The following SH2B2 variants were observed in gnomAD, a reference collection of about 807,000 sequenced individuals.
SH2B2 encodes the protein SH2B adaptor protein 2, also known as SH2B adapter protein 2.
SH2B2 carries 37 observed loss-of-function variants against 35.7 expected under a neutral mutation model. That is an observed-to-expected ratio of 1.04 (90% CI 0.80 to 1.36). The LOEUF (loss-of-function observed/expected upper bound fraction) is 1.36. Among genes scored for constraint, SH2B2 ranks in the 40% most tolerant of loss-of-function variants. The pLI is 0.00. For missense variants in SH2B2, 852 were observed against 817.7 expected (o/e 1.04, Z -0.51); for synonymous variants, 383 against 376.4 (o/e 1.02, Z -0.20).
intron 4 of SH2B2, among the ~76,000 whole-genome samples, chr7:102,310,031 C>T (rs1418500927): frequency 8.6e-5 from 13 of 152,036 alleles, no homozygotes; most frequent in African/African-American, 2.4e-4. Flanking sequence ...AAAATTTGGC[C>T]GGGGCCAGGC....
At chr7:102,306,885 G>A (rs964134974) in intron 3 of SH2B2, 63 bp downstream of exon 3, 1 of 1,292,384 alleles carries the variant, frequency 7.7e-7, no homozygotes, top group African/African-American at 1.5e-5. Context: ...CCCTTTAGGT[G>A]CTACAGCTCC....
chr7:102,299,908 C>T (rs1479387304), intron 1 of SH2B2, among the ~76,000 whole-genome samples: 19 of 152,218 alleles, frequency 1.2e-4, no homozygotes, highest in Admixed American at 1.2e-3. Flanking sequence ...GACACCACCT[C>T]CTGCCTCCCC....
At chr7:102,308,215 T>G (rs1404851946) in intron 3 of SH2B2, among the ~76,000 whole-genome samples, 1 of 152,180 alleles carries the variant, frequency 6.6e-6, no homozygotes, top group Non-Finnish European at 1.5e-5. Flanking sequence ...TGAACCTTGG[T>G]CTTCTCATCT....
In SH2B2 at chr7:102,317,450, G is replaced by T. The variant is rs41275224; in HGVS notation, c.1395+55G>T. 1.6e-5 allele frequency: 23 copies of T among 1,450,946 alleles called. No individual in the cohort carries two copies. In the East Asian group the frequency reaches 5.5e-4, roughly 35 times the overall value. 89.9% of individuals were successfully genotyped at this position (1,450,946 alleles called of 1,614,324 possible). A position where few individuals can be genotyped will look rare whatever the true frequency, so the allele number is the denominator to read the frequency against. ...CAGTGGCCAGCCCTGAGGGAGAGGG[G>T]TCATGGTGACCCCGGTCCTGAGGCT... On this transcript the variant is annotated intron_variant, in intron 7 of 8. Transcript: ENST00000444095.
chr7:102,317,168 A>T lies in SH2B2; in HGVS notation c.1187-19A>T. ...TTCTCCTTCCCCCCATGTTCCTCAC[A>T]CTGTCATCCCCACCTCAGGGGAACA... On this transcript the variant is annotated intron_variant, in intron 6 of 8. Coordinates refer to ENST00000444095, the MANE Select transcript of SH2B2 (RefSeq NM_001359228.2). The T allele has an allele frequency of 6.4e-7, 1 of 1,557,908 alleles. No homozygotes were observed. The highest frequency in any genetic ancestry group is 1.2e-5 in the South Asian group (1 of 85,510).
intron 6 of SH2B2, chr7:102,316,984 T>C: frequency 2.0e-6 from 1 of 501,226 alleles, no homozygotes. Flanking sequence ...ATTGCAGCAT[T>C]GCACTCCAGC....
chr7:102,314,232 T>C, intron 4 of SH2B2, 104 bp from the exon 5 acceptor site: 1 of 398,016 alleles, frequency 2.5e-6, no homozygotes, highest in Non-Finnish European at 4.4e-6. Context: ...GAGGCCTAGA[T>C]GCTGGGCCAT....
At chr7:102,291,550 C>A (rs1792673650) in intron 1 of SH2B2, among the ~76,000 whole-genome samples, 2 of 152,188 alleles carry the variant, frequency 1.3e-5, no homozygotes, top group Admixed American at 6.5e-5. Flanking sequence ...CCCATCCACT[C>A]TGCAGCAAAG....
At chr7:102,310,577 C>T (rs1400728918) in intron 4 of SH2B2, among the ~76,000 whole-genome samples, 2 of 152,266 alleles carry the variant, frequency 1.3e-5, no homozygotes, top group East Asian at 1.9e-4. Flanking sequence ...GATAGGCAGC[C>T]CGACAGGCTG....
At chr7:102,299,290 C>T (rs1379757935) in intron 1 of SH2B2, among the ~76,000 whole-genome samples, 1 of 145,988 alleles carries the variant, frequency 6.8e-6, no homozygotes, top group Non-Finnish European at 1.5e-5. Flanking sequence ...CCTCCGCCTC[C>T]TGGGTTCAAG....
chr7:102,286,756 G>T (rs1222065206), upstream of SH2B2: 5 of 29,872 alleles, frequency 1.7e-4, no homozygotes, highest in East Asian at 6.9e-4. Context: ...CGGCGCAAGT[G>T]GGGGCGGGAG....
Position 102,313,465 on chromosome 7 carries a change from C to A in SH2B2, c.924-871C>A, listed in dbSNP as rs1303550775. On this transcript the variant is annotated intron_variant, in intron 4 of 8. Transcript: ENST00000444095. ...TCCCATCTCAAAACAAACAAACAAA[C>A]AAAAAAGATGGGGGTCTCGCTATGT... Among the ~76,000 whole-genome samples the A allele has an allele frequency of 5.3e-5, 8 of 151,772 alleles. No individual in the cohort carries two copies. The South Asian group carries it at 1.7e-3, about 32-fold the overall frequency.
At position 102,300,846 on chromosome 7, in the gene SH2B2, C is replaced by A. The variant is rs1307314151; in HGVS notation, c.296C>A (p.Pro99Gln). 3 of 1,457,372 alleles carry A rather than the reference C, an allele frequency of 2.1e-6. No homozygotes were observed. In the Admixed American group the frequency reaches 7.9e-5, roughly 38 times the overall value. 90.3% of individuals were successfully genotyped at this position (1,457,372 alleles called of 1,614,324 possible). A position where few individuals can be genotyped will look rare whatever the true frequency, so the allele number is the denominator to read the frequency against. The change falls in exon 2 of 9, where the codon CCG becomes CAG. Residue 99 changes from proline (P) to glutamine (Q), a missense_variant. This residue lies in a region of SH2B2 where 294 missense variants were observed against 286.6 expected (regional missense o/e 1.03). Coordinates refer to ENST00000444095, the MANE Select transcript of SH2B2 (RefSeq NM_001359228.2). ...GAAVSAEAME[P>Q]ELADTSALKA... is the part of the protein sequence containing the mutation. ...GCCGTGAGCGCAGAGGCCATGGAGC[C>A]GGAGCTCGCGGACACCTCTGCACTC...
rs1217886991 is a variant in SH2B2, at chr7:102,300,645, A to G, written c.95A>G (p.Gln32Arg). The G allele has an allele frequency of 1.9e-6, 3 of 1,549,582 alleles. No homozygotes were observed. The highest frequency in any genetic ancestry group is 2.7e-5 in the African/African-American group (2 of 72,976). ...CGGCAGTTCTGCGAGCTGCATGCGC[A>G]GGCGGCCGCCGTGGACTTTGCGCAC... ...DWRQFCELHA[Q>R]AAAVDFAHKF... Residue 32 changes from glutamine to arginine, a missense_variant, in exon 2 of 9, where the codon CAG becomes CGG. Gln to Arg is a conservative substitution (Grantham distance 43). Coordinates refer to ENST00000444095, the MANE Select transcript of SH2B2 (RefSeq NM_001359228.2).
At chr7:102,317,100 C>T in intron 6 of SH2B2, 87 bp from the exon 7 acceptor site, 1 of 1,114,926 alleles carries the variant, frequency 9.0e-7, no homozygotes, top group South Asian at 1.7e-5. Context: ...AAAAAACCAA[C>T]AAGACGTCAC....
Position 102,321,283 on chromosome 7 carries a change from CG to C in SH2B2, c.1568-15del. ...GCCCAGGTCCCCACTCACGCCCTGC[CG>C]TCGCCTTGTTGCAGAGCCGGGCCCC... On this transcript the variant is annotated splice_polypyrimidine_tract_variant and intron_variant, in intron 8 of 8. Coordinates refer to ENST00000444095, the MANE Select transcript of SH2B2 (RefSeq NM_001359228.2). The C allele has an allele frequency of 7.3e-7, 1 of 1,366,876 alleles. No homozygotes were observed. Among genetic ancestry groups the C allele is most frequent in the Non-Finnish European group, 9.4e-7 (1 of 1,066,196 alleles). 84.7% of individuals were successfully genotyped at this position (1,366,876 alleles called of 1,614,324 possible).
In SH2B2 at chr7:102,321,207, C is replaced by T. The variant is rs1794057947; in HGVS notation, c.1568-92C>T. 5.4e-6 allele frequency: 6 copies of T among 1,114,126 alleles called. No homozygotes were observed. In the Admixed American group the frequency reaches 1.8e-4, roughly 33 times the overall value. 69.0% of individuals were successfully genotyped at this position (1,114,126 alleles called of 1,614,324 possible). A position where few individuals can be genotyped will look rare whatever the true frequency, so the allele number is the denominator to read the frequency against. ...ATGGGCTGCAACTCGGAAACCTGAG[C>T]GTGGGCCCTGGCCCCTTGAGGGATC... On this transcript the variant is annotated intron_variant, in intron 8 of 8. Coordinates refer to ENST00000444095, the MANE Select transcript of SH2B2 (RefSeq NM_001359228.2).
intron 1 of SH2B2, among the ~76,000 whole-genome samples, chr7:102,289,259 G>T (rs868933981): frequency 1.3e-5 from 2 of 152,308 alleles, no homozygotes; most frequent in African/African-American, 4.8e-5. Flanking sequence ...CACCTGGGGG[G>T]TGGGGAGGAC....
In SH2B2 at chr7:102,300,829, C is replaced by G. The variant is rs1554553551; in HGVS notation, c.279C>G (p.Ser93Arg). 6.8e-7 allele frequency: 1 copy of G among 1,469,318 alleles called. No individual in the cohort carries two copies. Among genetic ancestry groups the G allele is most frequent in the South Asian group, 1.4e-5 (1 of 73,228 alleles). 91.0% of individuals were successfully genotyped at this position (1,469,318 alleles called of 1,614,324 possible). ...CGACGACTCGGGGCGCGGCCGTGAG[C>G]GCAGAGGCCATGGAGCCGGAGCTCG... ...AGPTTRGAAV[S>R]AEAMEPELAD... The change falls in exon 2 of 9, where the codon AGC becomes AGG. Residue 93 changes from serine to arginine, a missense_variant. Physicochemically the swap from Ser to Arg is moderately radical, Grantham distance 110. Transcript: ENST00000444095.
Sources: gnomAD v4.1 joint callset for allele counts (sites outside exome capture counted in the v4.1 genomes callset) on GRCh38, gnomAD v4.1.1 for gene constraint, gnomAD v4.1.1 regional missense constraint, MANE v1.5 for transcripts, NCBI Gene and HGNC (gene_info 2026-07-23, HGNC 2026-07-21) for gene names.